The following VPS53 variants were observed in gnomAD, a reference collection of about 807,000 sequenced individuals.
VPS53 encodes the protein vacuolar protein sorting-associated protein 53 homolog.
VPS53 carries 70 observed loss-of-function variants against 107.0 expected under a neutral mutation model. The observed-to-expected ratio is 0.65, with a 90% CI of 0.54 to 0.80. The LOEUF (loss-of-function observed/expected upper bound fraction) is 0.80. Ranked by LOEUF, VPS53 falls within the 30% of genes least tolerant of loss-of-function variation. The pLI, the probability that VPS53 is intolerant of heterozygous loss-of-function variation, is 0.00. For synonymous variants in VPS53, 409 were observed against 393.3 expected, an observed-to-expected ratio of 1.04 and a Z score of -0.47; for missense variants, 917 against 1,049.4, an observed-to-expected ratio of 0.87 and a Z score of 1.74.
In VPS53 at chr17:537,016, C is replaced by T. The variant is rs750014251; in HGVS notation, c.2015+12G>A. On this transcript the variant is annotated intron_variant, in intron 18 of 21. Coordinates refer to ENST00000437048, the MANE Select transcript of VPS53 (RefSeq NM_001128159.3). ...AACAAGAACCCAGAGATGAGCACGC[C>T]CCAGGACTTACTTTGCAAATTTAAC... 1 of 1,614,004 alleles carries T rather than the reference C, an allele frequency of 6.2e-7. No individual in the cohort carries two copies. Among genetic ancestry groups the T allele is most frequent in the South Asian group, 1.1e-5 (1 of 91,076 alleles).
At chr17:658,655 G>A (rs1226969326) in intron 5 of VPS53, among the ~76,000 whole-genome samples, 1 of 146,852 alleles carries the variant, frequency 6.8e-6, no homozygotes, top group Non-Finnish European at 1.5e-5. Flanking sequence ...ACTCGGCCGT[G>A]AGTTCGTGGA....
intron 5 of VPS53, chr17:657,532 T>G: frequency 7.2e-7 from 1 of 1,387,968 alleles, no homozygotes; most frequent in Non-Finnish European, 1.0e-6. Flanking sequence ...AGATGCTTCT[T>G]GGCACCACGA....
chr17:673,465 C>T (rs970691333), intron 4 of VPS53, among the ~76,000 whole-genome samples: 1 of 152,206 alleles, frequency 6.6e-6, no homozygotes. Context: ...GGGACTCTCA[C>T]ACACCCAGCC....
chr17:628,762 G>A (rs547850344), intron 8 of VPS53, among the ~76,000 whole-genome samples: 2 of 152,268 alleles, frequency 1.3e-5, no homozygotes, highest in African/African-American at 2.4e-5. Flanking sequence ...TCCAAGCCAC[G>A]ACATGTGTTT....
intron 4 of VPS53, among the ~76,000 whole-genome samples, chr17:669,239 T>G (rs1302285098): frequency 6.6e-6 from 1 of 152,196 alleles, no homozygotes; most frequent in East Asian, 1.9e-4. Context: ...ACTACCTGGC[T>G]AATCAGAAAT....
intron 7 of VPS53, among the ~76,000 whole-genome samples, chr17:636,890 T>A (rs1281575980): frequency 6.6e-6 from 1 of 152,212 alleles, no homozygotes; most frequent in East Asian, 1.9e-4. Context: ...TTTTTTGTTG[T>A]GTCTCTGCCA....
intron 2 of VPS53, among the ~76,000 whole-genome samples, chr17:703,399 T>C (rs1370063666): frequency 1.3e-5 from 2 of 152,210 alleles, no homozygotes; most frequent in African/African-American, 4.8e-5. Context: ...CTAATTTTCC[T>C]GCACCCCAAG....
chr17:638,607 C>A (rs1299137601), intron 7 of VPS53, among the ~76,000 whole-genome samples: 1 of 152,016 alleles, frequency 6.6e-6, no homozygotes, highest in Non-Finnish European at 1.5e-5. Flanking sequence ...GTAGGGCAGG[C>A]CTGGTGGTGA....
At chr17:544,126 T>C (rs1910997499) in intron 17 of VPS53, among the ~76,000 whole-genome samples, 1 of 152,074 alleles carries the variant, frequency 6.6e-6, no homozygotes, top group African/African-American at 2.4e-5. Context: ...TTGGAATATG[T>C]GGGTTGGCTG....
At chr17:563,948 T>G (rs1314040320) in intron 13 of VPS53, among the ~76,000 whole-genome samples, 1 of 152,240 alleles carries the variant, frequency 6.6e-6, no homozygotes, top group Non-Finnish European at 1.5e-5. Context: ...TAAAAAAATC[T>G]TAGGAAAAGA....
intron 7 of VPS53, among the ~76,000 whole-genome samples, chr17:642,049 T>C (rs1970442169): frequency 6.6e-6 from 1 of 152,216 alleles, no homozygotes; most frequent in Non-Finnish European, 1.5e-5. Context: ...ATGAACATTG[T>C]TCAGATATCT....
intron 4 of VPS53, among the ~76,000 whole-genome samples, chr17:683,748 C>T (rs1269299597): frequency 1.3e-5 from 2 of 152,178 alleles, no homozygotes; most frequent in African/African-American, 2.4e-5. Context: ...CAATAGCCTC[C>T]GGCTACTCAG....
intron 11 of VPS53, among the ~76,000 whole-genome samples, chr17:603,697 T>G (rs975698279): frequency 6.6e-6 from 1 of 152,112 alleles, no homozygotes; most frequent in African/African-American, 2.4e-5. Flanking sequence ...TATTTCACAT[T>G]TGCACACTCC....
chr17:672,207 CT>C (rs1971991289), intron 4 of VPS53, among the ~76,000 whole-genome samples: 1 of 150,558 alleles, frequency 6.6e-6, no homozygotes, highest in Admixed American at 6.6e-5. Context: ...CTCTCTCTCT[CT>C]CTCTGAGCTT....
At chr17:627,771 G>GTC (rs1969776981) in intron 9 of VPS53, among the ~76,000 whole-genome samples, 2 of 33,370 alleles carry the variant, frequency 6.0e-5, no homozygotes, top group African/African-American at 2.3e-4. Flanking sequence ...GCGAAACTCC[G>GTC]TCTCACACAC....
intron 13 of VPS53, among the ~76,000 whole-genome samples, chr17:572,142 G>A (rs1253959396): frequency 2.0e-5 from 3 of 150,744 alleles, no homozygotes; most frequent in East Asian, 2.0e-4. Context: ...AGTGAGGAGC[G>A]TCTCTGCCCG....
Position 560,433 on chromosome 17 carries a change from G to T in VPS53, c.1697C>A (p.Thr566Asn). 6.2e-7 allele frequency: 1 copy of T among 1,611,018 alleles called. No homozygotes were observed. The highest frequency in any genetic ancestry group is 8.5e-7 in the Non-Finnish European group (1 of 1,179,194). Residue 566 changes from threonine to asparagine, a missense_variant, in exon 15 of 22, where the codon ACC (threonine) becomes AAC (asparagine). Thr to Asn is a moderately conservative substitution (Grantham distance 65). Transcript: ENST00000437048. ...LSTAEYCLAT[T>N]QQLEEKLKEK... ...GCAGCCAGGATGGCTCACCTGCTGG[G>T]TGGTGGCCAGACAGTACTCTGCCGT...
In VPS53 at chr17:521,851, A is replaced by C. The variant is rs917983605; in HGVS notation, c.2086-113T>G. The C allele has an allele frequency of 6.5e-6, 8 of 1,237,202 alleles. No homozygotes were observed. In the Admixed American group the frequency reaches 2.3e-4, roughly 35 times the overall value. 76.6% of individuals were successfully genotyped at this position (1,237,202 alleles called of 1,614,324 possible). ...TATACACGTAACACATTCTTGTTGC[A>C]AAAAATTGGGGAAATAAACAGAAAT... On this transcript the variant is annotated intron_variant, in intron 19 of 21. Transcript: ENST00000437048.
chr17:618,251 A>C (rs8076552), intron 11 of VPS53, among the ~76,000 whole-genome samples: 6 of 63,104 alleles, frequency 9.5e-5, no homozygotes, highest in African/African-American at 1.5e-4. Context: ...ACAGGCGTGC[A>C]CCACCACGCC....
Sources: gnomAD v4.1 joint callset for allele counts (sites outside exome capture counted in the v4.1 genomes callset) on GRCh38, gnomAD v4.1.1 for gene constraint, MANE v1.5 for transcripts, NCBI Gene and HGNC (gene_info 2026-07-23, HGNC 2026-07-21) for gene names.